DNAH9: variants seen among roughly 807,000 people sequenced by gnomAD.
DNAH9 encodes dynein axonemal heavy chain 9.
In DNAH9, 345 loss-of-function variants were observed where a neutral mutation model predicts 471.6. The ratio of observed to expected loss-of-function variants is 0.73; its 90% CI spans 0.67 to 0.80. The LOEUF is 0.80. Among genes scored for constraint, DNAH9 ranks in the 30% least tolerant of loss-of-function variants. DNAH9 has a pLI of 0.00. For synonymous variants in DNAH9, 2,093 were observed against 2,123.6 expected (o/e 0.99, Z 0.40); for missense variants, 5,407 against 5,609.2 (o/e 0.96, Z 1.15).
rs1385661510 is a variant in DNAH9, at chr17:11,719,396, C to T, written c.5615C>T (p.Ala1872Val). ...ATGAGTGGGGCTCCCGCAGGACCTG[C>T]AGGCACAGGCAAGACCGAGACCACC... ...LTMSGAPAGP[A>V]GTGKTETTKD... Residue 1872 changes from alanine to valine, a missense_variant, in exon 27 of 69, where the codon GCA (alanine) becomes GTA (valine). Physicochemically the swap from Ala to Val is moderately conservative, Grantham distance 64 (BLOSUM62 0). This residue lies in a region of DNAH9 where 4,636 missense variants were observed against 4,900.3 expected (regional missense o/e 0.95). Transcript: ENST00000262442. 6.2e-7 allele frequency: 1 copy of T among 1,614,004 alleles called. No homozygotes were observed. The highest frequency in any genetic ancestry group is 8.5e-7 in the Non-Finnish European group (1 of 1,179,970).
At chr17:11,812,771 A>G (rs1297522125) in intron 45 of DNAH9, among the ~76,000 whole-genome samples, 1 of 151,892 alleles carries the variant, frequency 6.6e-6, no homozygotes, top group East Asian at 1.9e-4. Context: ...CAATGCCACA[A>G]TTTTTTCCTT....
In DNAH9 at chr17:11,883,705, A is replaced by C; in HGVS notation, c.10926A>C (p.Glu3642Asp). 1 of 1,614,160 alleles carries C rather than the reference A, an allele frequency of 6.2e-7. No individual in the cohort carries two copies. The highest frequency in any genetic ancestry group is 8.5e-7 in the Non-Finnish European group (1 of 1,180,014). Residue 3642 changes from glutamate to aspartate, a missense_variant, in exon 56 of 69, where the codon GAA becomes GAC. Glu to Asp is a conservative substitution (Grantham distance 45). Around this residue, in one of 3 missense-constraint regions of DNAH9, gnomAD observed 4,636 missense variants for 4,900.3 expected, o/e 0.95. Coordinates refer to ENST00000262442, the MANE Select transcript of DNAH9 (RefSeq NM_001372.4). The part of the protein sequence containing the change: ...GNFLGETVLV[E>D]NLEITKQTAA... ...TCCTGGGAGAAACAGTGCTGGTGGAAAACCTAGAGATCACCAAGCAGACTG... is the reference window on the plus strand; with the variant it reads ...TCCTGGGAGAAACAGTGCTGGTGGACAACCTAGAGATCACCAAGCAGACTG...
chr17:11,812,111 G>A (rs1409435317), intron 45 of DNAH9, among the ~76,000 whole-genome samples: 2 of 135,644 alleles, frequency 1.5e-5, no homozygotes, highest in East Asian at 2.2e-4. Flanking sequence ...CATAAATTAT[G>A]CATTTATATA....
chr17:11,882,338 T>A (rs1400291816), intron 55 of DNAH9, among the ~76,000 whole-genome samples: 1 of 152,174 alleles, frequency 6.6e-6, no homozygotes, highest in Non-Finnish European at 1.5e-5. Flanking sequence ...TCCAATATAG[T>A]CACATGGGGG....
chr17:11,778,145 G>A (rs914771961), intron 38 of DNAH9, among the ~76,000 whole-genome samples: 11 of 151,712 alleles, frequency 7.3e-5, no homozygotes, highest in African/African-American at 1.7e-4. Context: ...TGGAAGAAGA[G>A]GATTCGAGGC....
At chr17:11,781,884 C>T (rs1484105995) in intron 39 of DNAH9, among the ~76,000 whole-genome samples, 5 of 150,722 alleles carry the variant, frequency 3.3e-5, no homozygotes, top group African/African-American at 4.9e-5. Flanking sequence ...TACCATGCAC[C>T]GTGTCTGCAG....
intron 39 of DNAH9, among the ~76,000 whole-genome samples, chr17:11,781,990 G>C (rs62063193): frequency 2.0e-5 from 3 of 146,398 alleles, no homozygotes; most frequent in African/African-American, 7.7e-5. Flanking sequence ...GAACTTACTA[G>C]GAAAAAAAAA....
At chr17:11,931,246 T>G (rs1597841289) in intron 63 of DNAH9, among the ~76,000 whole-genome samples, 1 of 151,560 alleles carries the variant, frequency 6.6e-6, no homozygotes, top group African/African-American at 2.4e-5. Context: ...GCTAGGGAGG[T>G]TTTCTTCTTG....
At chr17:11,666,019 G>A (rs2073860082) in intron 15 of DNAH9, among the ~76,000 whole-genome samples, 1 of 152,146 alleles carries the variant, frequency 6.6e-6, no homozygotes, top group Non-Finnish European at 1.5e-5. Context: ...GCAGGATACA[G>A]GGGTGCTCCA....
chr17:11,610,561 A>C lies in DNAH9; in HGVS notation c.773+7A>C. 1 of 1,611,898 alleles carries C rather than the reference A, an allele frequency of 6.2e-7. No homozygotes were observed. The highest frequency in any genetic ancestry group is 2.2e-5 in the East Asian group (1 of 44,856). ...TGGAGTTCTGGAAGAGCAGGTAGGC[A>C]AGAAGGCACATGCTGGAAGTCTGGG... On this transcript the variant is annotated splice_region_variant and intron_variant, in intron 3 of 68. Coordinates refer to ENST00000262442, the MANE Select transcript of DNAH9 (RefSeq NM_001372.4).
intron 61 of DNAH9, among the ~76,000 whole-genome samples, chr17:11,912,874 A>T (rs771834916): frequency 6.6e-6 from 1 of 151,768 alleles, no homozygotes; most frequent in Admixed American, 6.6e-5. Context: ...ATTTTTTTTT[A>T]AAGATTTTGT....
chr17:11,628,659 CG>C (rs956648686), intron 6 of DNAH9, among the ~76,000 whole-genome samples: 1 of 152,130 alleles, frequency 6.6e-6, no homozygotes, highest in Non-Finnish European at 1.5e-5. Context: ...GTCTTCAGGA[CG>C]ATTTTGCAGC....
At position 11,793,429 on chromosome 17, in the gene DNAH9, C is replaced by G. The variant is rs1351358102; in HGVS notation, c.8062-74C>G. Reference sequence around the variant, plus strand: ...ATCATCCCAGGTTAGATAAAATGCTCCAGGAAGTTTTCCTAGCTATTGTAC... The same window carrying G: ...ATCATCCCAGGTTAGATAAAATGCTGCAGGAAGTTTTCCTAGCTATTGTAC... On this transcript the variant is annotated intron_variant, in intron 41 of 68. Transcript: ENST00000262442. 23 of 1,409,910 alleles carry G rather than the reference C, an allele frequency of 1.6e-5. 1 individual carries two copies. The highest frequency in any genetic ancestry group is 2.1e-5 in the Non-Finnish European group (22 of 1,025,882). 87.3% of individuals were successfully genotyped at this position (1,409,910 alleles called of 1,614,324 possible).
At chr17:11,616,162 C>T (rs572057105) in intron 4 of DNAH9, among the ~76,000 whole-genome samples, 2 of 152,022 alleles carry the variant, frequency 1.3e-5, no homozygotes, top group Non-Finnish European at 2.9e-5. Flanking sequence ...ATGGGAGGGC[C>T]CTAGGAAAGT....
At chr17:11,831,139 C>T (rs770649310) in intron 48 of DNAH9, among the ~76,000 whole-genome samples, 2 of 152,076 alleles carry the variant, frequency 1.3e-5, no homozygotes, top group East Asian at 1.9e-4. Flanking sequence ...GTTTTAGTCC[C>T]GTTTATATTG....
chr17:11,884,923 T>G (rs76917258), intron 56 of DNAH9, among the ~76,000 whole-genome samples: 13 of 146,362 alleles, frequency 8.9e-5, no homozygotes, highest in Non-Finnish European at 1.6e-4. Context: ...TCTTCATCTG[T>G]TTTTTTTTTA....
At chr17:11,843,583 C>G (rs180791971) in intron 49 of DNAH9, among the ~76,000 whole-genome samples, 50 of 151,624 alleles carry the variant, frequency 3.3e-4, no homozygotes, top group African/African-American at 1.2e-3. Context: ...TTGGCATATT[C>G]ATCTCTACTG....
chr17:11,918,205 T>G (rs1014591728), intron 61 of DNAH9, among the ~76,000 whole-genome samples: 11 of 147,890 alleles, frequency 7.4e-5, no homozygotes, highest in East Asian at 2.0e-4. Context: ...GTTGGGTGTT[T>G]TTTTGTTTTG....
intron 28 of DNAH9, among the ~76,000 whole-genome samples, chr17:11,731,649 G>A (rs1275058399): frequency 6.7e-6 from 1 of 149,352 alleles, no homozygotes; most frequent in Non-Finnish European, 1.5e-5. Flanking sequence ...AACATGCGGT[G>A]TTTGGTTTTT....
Sources: allele counts gnomAD v4.1 joint callset (sites outside exome capture counted in the v4.1 genomes callset), GRCh38; gene constraint gnomAD v4.1.1; regional missense constraint gnomAD v4.1.1; transcripts MANE v1.5; gene names NCBI Gene and HGNC (gene_info 2026-07-23, HGNC 2026-07-21).